Variants in PLCE1 observed in about 807,000 individuals in gnomAD.
PLCE1 encodes 1-phosphatidylinositol 4,5-bisphosphate phosphodiesterase epsilon-1.
A neutral mutation model predicts 242.8 loss-of-function variants in PLCE1; 119 were observed. The ratio of observed to expected loss-of-function variants is 0.49; its 90% CI spans 0.42 to 0.57. The LOEUF (loss-of-function observed/expected upper bound fraction) is 0.57, where lower values mean the gene tolerates loss of function less well. Among genes scored for constraint, PLCE1 ranks in the 20% least tolerant of loss-of-function variants. PLCE1 has a pLI of 0.00. For missense variants in PLCE1, 2,441 were observed against 2,788.8 expected, an observed-to-expected ratio of 0.88 and a Z score of 2.81; for synonymous variants, 945 against 1,017.4, an observed-to-expected ratio of 0.93 and a Z score of 1.35.
chr10:94,207,177 T>C (rs963812034), intron 4 of PLCE1, among the ~76,000 whole-genome samples: 8 of 152,034 alleles, frequency 5.3e-5, no homozygotes, highest in Non-Finnish European at 8.8e-5. Flanking sequence ...GTGTGGGAGC[T>C]TCACAGAAGC....
At chr10:94,080,333 G>A (rs1183700419) in intron 2 of PLCE1, among the ~76,000 whole-genome samples, 1 of 152,072 alleles carries the variant, frequency 6.6e-6, no homozygotes, top group Admixed American at 6.5e-5. Context: ...CTTTTTACCT[G>A]GTTGTTAACT....
intron 22 of PLCE1, among the ~76,000 whole-genome samples, chr10:94,288,767 C>T (rs1387136368): frequency 1.3e-5 from 2 of 152,204 alleles, no homozygotes; most frequent in African/African-American, 4.8e-5. Flanking sequence ...TATTCCTACA[C>T]TGAAGGAGCC....
intron 18 of PLCE1, among the ~76,000 whole-genome samples, chr10:94,272,102 A>G (rs1376457561): frequency 6.6e-6 from 1 of 152,140 alleles, no homozygotes; most frequent in Non-Finnish European, 1.5e-5. Flanking sequence ...AGGGTTCAAG[A>G]GCAGAGAACC....
At chr10:94,153,950 G>A (rs2047350039) in intron 3 of PLCE1, among the ~76,000 whole-genome samples, 1 of 152,172 alleles carries the variant, frequency 6.6e-6, no homozygotes, top group East Asian at 1.9e-4. Context: ...CAATATCTTT[G>A]CAAAGCAATC....
intron 2 of PLCE1, among the ~76,000 whole-genome samples, chr10:94,124,655 T>C (rs1238872424): frequency 1.3e-5 from 2 of 152,224 alleles, no homozygotes; most frequent in Non-Finnish European, 1.5e-5. Flanking sequence ...CCATAGTCGA[T>C]GTAACTGCAA....
intron 1 of PLCE1, among the ~76,000 whole-genome samples, chr10:94,018,977 A>G (rs183288949): frequency 1.4e-4 from 21 of 152,368 alleles, no homozygotes; most frequent in Middle Eastern, 3.4e-3. Context: ...AGAAATAGAC[A>G]TAGTCCTATA....
chr10:94,326,871 G>T (rs78898768), intron 32 of PLCE1, among the ~76,000 whole-genome samples: 419 of 152,266 alleles, frequency 2.8e-3, no homozygotes, highest in African/African-American at 9.1e-3. Context: ...TTAAAGCTGG[G>T]GAGGCCTGGC....
Position 94,258,929 on chromosome 10 carries a change from T to C in PLCE1, c.3677+7T>C. On this transcript the variant is annotated splice_region_variant and intron_variant, in intron 12 of 32. Transcript: ENST00000371380. ...AGCTGTTCAAATCATTCAGGTACAG[T>C]CTTATGTTTCCTTCTTATTCTTTCT... 7.4e-6 allele frequency: 12 copies of C among 1,614,028 alleles called. No individual in the cohort carries two copies. The highest frequency in any genetic ancestry group is 1.0e-5 in the Non-Finnish European group (12 of 1,179,962).
intron 2 of PLCE1, among the ~76,000 whole-genome samples, chr10:94,127,173 C>G (rs949649651): frequency 1.3e-5 from 2 of 152,204 alleles, no homozygotes; most frequent in African/African-American, 4.8e-5. Context: ...TAGTTAACAT[C>G]TGCTGTGTAG....
intron 16 of PLCE1, among the ~76,000 whole-genome samples, chr10:94,267,716 T>G (rs1004760735): frequency 6.6e-6 from 1 of 152,136 alleles, no homozygotes; most frequent in Non-Finnish European, 1.5e-5. Context: ...ACCACAGAGA[T>G]AAGCAGCTTG....
At chr10:94,179,512 G>GTTTTTTGTTTTTTTT (rs1554877548) in intron 4 of PLCE1, among the ~76,000 whole-genome samples, 4 of 19,398 alleles carry the variant, frequency 2.1e-4, no homozygotes, top group African/African-American at 6.4e-4. Flanking sequence ...TTTTAGTTTA[G>GTTTTTTGTTTTTTTT]TTTTTTTTTT....
chr10:94,195,266 A>T (rs1414520762), intron 4 of PLCE1, among the ~76,000 whole-genome samples: 2 of 152,094 alleles, frequency 1.3e-5, no homozygotes, highest in Non-Finnish European at 1.5e-5. Context: ...GACTGTCATC[A>T]TCTCCTCCCA....
At chr10:94,227,715 T>G (rs1168295018) in intron 5 of PLCE1, among the ~76,000 whole-genome samples, 1 of 152,192 alleles carries the variant, frequency 6.6e-6, no homozygotes, top group East Asian at 1.9e-4. Flanking sequence ...GTGAAATTAC[T>G]TGGTTGCATA....
At chr10:94,159,724 C>T (rs1438086114) in intron 3 of PLCE1, among the ~76,000 whole-genome samples, 1 of 152,072 alleles carries the variant, frequency 6.6e-6, no homozygotes, top group Non-Finnish European at 1.5e-5. Flanking sequence ...CCCATTATCT[C>T]GTCATTTAAC....
chr10:94,052,043 T>C (rs1025161777), intron 2 of PLCE1, among the ~76,000 whole-genome samples: 3 of 152,228 alleles, frequency 2.0e-5, no homozygotes, highest in Admixed American at 6.5e-5. Context: ...TCTTATTTAA[T>C]TTTGTAATCC....
intron 4 of PLCE1, among the ~76,000 whole-genome samples, chr10:94,220,376 T>TTATATA (rs59633337): frequency 0.057 from 3,523 of 61,338 alleles, 235 homozygotes; most frequent in East Asian, 0.098. Context: ...ACTAAACATT[T>TTATATA]TATATATATA....
intron 16 of PLCE1, 79 bp downstream of exon 16, chr10:94,266,037 C>G: frequency 7.5e-7 from 1 of 1,332,522 alleles, no homozygotes; most frequent in Admixed American, 1.7e-5. Context: ...AAAAACCTGA[C>G]CCCAGACTCC....
chr10:94,005,743 C>T (rs1440506863), intron 1 of PLCE1, among the ~76,000 whole-genome samples: 1 of 152,200 alleles, frequency 6.6e-6, no homozygotes, highest in Non-Finnish European at 1.5e-5. Context: ...GAACCTTAAT[C>T]AAACCACTTG....
intron 3 of PLCE1, among the ~76,000 whole-genome samples, chr10:94,170,055 T>C (rs117280201): frequency 0.019 from 2,951 of 152,310 alleles, 37 homozygotes; most frequent in Non-Finnish European, 0.03. Flanking sequence ...TGAAGCAGTT[T>C]GGAGTGATAA....
Sources: allele counts gnomAD v4.1 joint callset (sites outside exome capture counted in the v4.1 genomes callset), GRCh38; gene constraint gnomAD v4.1.1; transcripts MANE v1.5; gene names NCBI Gene and HGNC (gene_info 2026-07-23, HGNC 2026-07-21).